Variants in PTPRN2 observed in about 807,000 individuals in gnomAD.
The protein encoded by PTPRN2 is protein tyrosine phosphatase receptor type N2, also known as receptor-type tyrosine-protein phosphatase N2.
A neutral mutation model predicts 118.8 loss-of-function variants in PTPRN2; 74 were observed. That is an observed-to-expected ratio of 0.62 (90% CI 0.52 to 0.76). The LOEUF is 0.76. PTPRN2 is among the 30% of genes least tolerant of loss of function. The pLI is 0.00. For missense variants in PTPRN2, 1,481 were observed against 1,394.4 expected, an observed-to-expected ratio of 1.06 and a Z score of -0.99; for synonymous variants, 641 against 608.0, an observed-to-expected ratio of 1.05 and a Z score of -0.80.
rs1801778245 is a variant in PTPRN2 at position 157,964,601 on chromosome 7, G to A, written c.1724-65864C>T. On this transcript the variant is annotated intron_variant, in intron 11 of 22. Coordinates refer to ENST00000389418, the MANE Select transcript of PTPRN2 (RefSeq NM_002847.5). The surrounding 1 kb of genome is among the most constrained non-coding windows in gnomAD (Gnocchi z 9.0). Reference sequence around the variant, plus strand: ...CCACAACACAGGAGCAGGTGCAGCAGGGCCCTTGAGTCTGTCTCACGCCAT... The same window carrying A: ...CCACAACACAGGAGCAGGTGCAGCAAGGCCCTTGAGTCTGTCTCACGCCAT... Among the ~76,000 whole-genome samples, 1 of 152,198 alleles carries A rather than the reference G, an allele frequency of 6.6e-6. No individual in the cohort carries two copies. The highest frequency in any genetic ancestry group is 2.4e-5 in the African/African-American group (1 of 41,442).
chr7:157,663,486 C>A (rs540403810), intron 13 of PTPRN2, among the ~76,000 whole-genome samples: 1 of 152,204 alleles, frequency 6.6e-6, no homozygotes, highest in Admixed American at 6.5e-5. Flanking sequence ...TCACGGGGAA[C>A]GGGGTCGGGC....
At chr7:158,134,185 G>A in intron 8 of PTPRN2, 126 bp from the exon 9 acceptor site, 1 of 1,103,656 alleles carries the variant, frequency 9.1e-7, no homozygotes, top group Admixed American at 2.6e-5. Context: ...GGAGAGTGTG[G>A]GAGGAAGGCG....
chr7:158,071,480 T>TCGTGGTTGAGGTG (rs1415545615), intron 11 of PTPRN2, among the ~76,000 whole-genome samples: 1 of 75,464 alleles, frequency 1.3e-5, no homozygotes, highest in Non-Finnish European at 2.4e-5. Flanking sequence ...TGGTGGAGGT[T>TCGTGGTTGAGGTG]CTCATGGTGC....
chr7:158,340,248 C>T (rs1490202516), intron 2 of PTPRN2, among the ~76,000 whole-genome samples: 7 of 92,436 alleles, frequency 7.6e-5, no homozygotes, highest in Admixed American at 3.3e-4. Context: ...CCCACACTCT[C>T]ACTATAAGAG....
rs1037883076 is a variant in PTPRN2 at position 157,558,015 on chromosome 7, G to C, written c.2903-8996C>G. 1.4e-5 allele frequency among the ~76,000 whole-genome samples: 2 copies of C among 143,378 alleles called. 1 individual carries two copies. Among genetic ancestry groups the C allele is most frequent in the South Asian group, 4.3e-4 (2 of 4,628 alleles). The allele number at this position is 143,378 out of a possible 152,430, so 94.1% of individuals were successfully genotyped here. On this transcript the variant is annotated intron_variant, in intron 21 of 22. Coordinates refer to ENST00000389418, the MANE Select transcript of PTPRN2 (RefSeq NM_002847.5). Reference sequence around the variant, plus strand: ...CTGGACCATCCCATAATACTGTTGAGGTGCTGGCAGCATCAACGCGGAGAC... The same window carrying C: ...CTGGACCATCCCATAATACTGTTGACGTGCTGGCAGCATCAACGCGGAGAC...
At chr7:157,994,298 C>G (rs1804481946) in intron 11 of PTPRN2, among the ~76,000 whole-genome samples, 1 of 152,174 alleles carries the variant, frequency 6.6e-6, no homozygotes, top group Non-Finnish European at 1.5e-5. Flanking sequence ...CGAAGCAGCA[C>G]AGCAAAGTTT....
At chr7:157,714,501 T>A (rs1437755429) in intron 12 of PTPRN2, among the ~76,000 whole-genome samples, 2 of 152,198 alleles carry the variant, frequency 1.3e-5, no homozygotes, top group Non-Finnish European at 2.9e-5. Flanking sequence ...AGGCTTAAGA[T>A]CTGTAGAAAA....
intron 2 of PTPRN2, among the ~76,000 whole-genome samples, chr7:158,318,429 A>G (rs1802528424): frequency 1.3e-5 from 2 of 152,364 alleles, no homozygotes; most frequent in African/African-American, 2.4e-5. Flanking sequence ...CTCACAATGC[A>G]GAACAATCCT....
intron 12 of PTPRN2, among the ~76,000 whole-genome samples, chr7:157,876,951 C>T (rs1795803524): frequency 1.3e-5 from 2 of 152,212 alleles, no homozygotes; most frequent in African/African-American, 4.8e-5. Context: ...GACGGCCTCG[C>T]TAGCCTTTAC....
chr7:158,123,296 G>C (rs191683440), intron 9 of PTPRN2, among the ~76,000 whole-genome samples: 3 of 152,180 alleles, frequency 2.0e-5, no homozygotes, highest in East Asian at 3.8e-4. Flanking sequence ...GCAACGCTTC[G>C]AGGGTGGCAA....
intron 2 of PTPRN2, among the ~76,000 whole-genome samples, chr7:158,327,294 TAC>T (rs576290613): frequency 1.4e-3 from 193 of 134,328 alleles, no homozygotes; most frequent in East Asian, 0.013. Context: ...CTCACACATG[TAC>T]ACATTCTCAC....
chr7:157,664,877 C>T (rs1796060945), intron 13 of PTPRN2, among the ~76,000 whole-genome samples: 1 of 152,214 alleles, frequency 6.6e-6, no homozygotes, highest in Non-Finnish European at 1.5e-5. Context: ...GGAGGCCAGC[C>T]CCATCATGTT....
intron 12 of PTPRN2, among the ~76,000 whole-genome samples, chr7:157,816,738 GCCCTCTA>G (rs1428906356): frequency 6.6e-6 from 1 of 152,112 alleles, no homozygotes; most frequent in African/African-American, 2.4e-5. Context: ...GCGAGACTCT[GCCCTCTA>G]CCCTCTGCCC....
intron 1 of PTPRN2, among the ~76,000 whole-genome samples, chr7:158,519,934 C>A (rs1344810003): frequency 6.6e-6 from 1 of 152,234 alleles, no homozygotes; most frequent in Non-Finnish European, 1.5e-5. Flanking sequence ...TAGCCTGAAA[C>A]CAAGCTTTCC....
At chr7:157,825,283 C>T (rs1304899317) in intron 12 of PTPRN2, among the ~76,000 whole-genome samples, 1 of 152,046 alleles carries the variant, frequency 6.6e-6, no homozygotes, top group Non-Finnish European at 1.5e-5. Context: ...TGAAATGAGA[C>T]CTGGATGGTG....
At chr7:158,055,048 G>A (rs1435830318) in intron 11 of PTPRN2, among the ~76,000 whole-genome samples, 3 of 152,194 alleles carry the variant, frequency 2.0e-5, no homozygotes, top group African/African-American at 7.2e-5. Flanking sequence ...CTGTTCCAGT[G>A]TAATAAAATA....
chr7:158,136,604 T>C, intron 8 of PTPRN2, 51 bp downstream of exon 8: 1 of 1,576,396 alleles, frequency 6.3e-7, no homozygotes, highest in South Asian at 1.1e-5. Context: ...AACAAAAAGA[T>C]CACCAACTTC....
At chr7:157,710,350 T>C (rs1798542390) in intron 12 of PTPRN2, among the ~76,000 whole-genome samples, 1 of 152,188 alleles carries the variant, frequency 6.6e-6, no homozygotes, top group Non-Finnish European at 1.5e-5. Flanking sequence ...GGCTCATGTC[T>C]GTAATCTCAG....
intron 12 of PTPRN2, among the ~76,000 whole-genome samples, chr7:157,799,834 TCCATCCCTCAGAGGCACCACAGCCGGCC>T (rs1563121853): frequency 2.9e-4 from 23 of 79,130 alleles, no homozygotes; most frequent in East Asian, 1.3e-3. Context: ...GCCGGCCCCC[TCCATCCCTCAGAGGCACCACAGCCGGCC>T]CCCTCCATCC....
Sources: gnomAD v4.1 joint callset for allele counts (sites outside exome capture counted in the v4.1 genomes callset) on GRCh38, gnomAD v4.1.1 for gene constraint, Gnocchi (gnomAD v3.1) non-coding constraint, MANE v1.5 for transcripts, NCBI Gene and HGNC (gene_info 2026-07-23, HGNC 2026-07-21) for gene names.